ADNP: variants seen among roughly 807,000 people sequenced by gnomAD.
ADNP encodes activity-dependent neuroprotector homeobox protein.
In ADNP, 4 loss-of-function variants were observed where a neutral mutation model predicts 84.9. The observed-to-expected ratio is 0.05, with a 90% CI of 0.02 to 0.11. The LOEUF (loss-of-function observed/expected upper bound fraction) is 0.11. ADNP is among the 10% of genes least tolerant of loss of function. ADNP has a pLI of 1.00. For missense variants in ADNP, 1,132 were observed against 1,326.0 expected (o/e 0.85, Z 2.27); for synonymous variants, 554 against 468.1 (o/e 1.18, Z -2.37).
At chr20:50,915,947 C>T (rs1983477375) in intron 2 of ADNP, among the ~76,000 whole-genome samples, 1 of 152,128 alleles carries the variant, frequency 6.6e-6, no homozygotes. Context: ...GATAAGCAGG[C>T]AGGAAATGTA....
intron 5 of ADNP, among the ~76,000 whole-genome samples, chr20:50,897,146 G>A (rs767592315): frequency 9.9e-5 from 15 of 151,866 alleles, no homozygotes; most frequent in East Asian, 3.9e-4. Flanking sequence ...TCACCATGTC[G>A]GCCAGGCTGG....
At chr20:50,910,714 G>A (rs576589569) in intron 2 of ADNP, among the ~76,000 whole-genome samples, 17 of 152,252 alleles carry the variant, frequency 1.1e-4, no homozygotes, top group African/African-American at 4.1e-4. Flanking sequence ...GAGTGCAGTG[G>A]TATGATCACA....
At chr20:50,930,406 G>C (rs1372848859) in intron 1 of ADNP, among the ~76,000 whole-genome samples, 2 of 151,990 alleles carry the variant, frequency 1.3e-5, no homozygotes, top group African/African-American at 4.8e-5. Flanking sequence ...CTGGCAGAAG[G>C]CTGGTTCAAG....
At chr20:50,907,970 CG>C (rs1159646703) in intron 2 of ADNP, among the ~76,000 whole-genome samples, 3 of 152,116 alleles carry the variant, frequency 2.0e-5, no homozygotes, top group Non-Finnish European at 4.4e-5. Flanking sequence ...TCTTCATATG[CG>C]TATTTCTGAC....
chr20:50,904,131 G>A (rs892201322), intron 3 of ADNP, 130 bp from the exon 4 acceptor site: 2 of 661,000 alleles, frequency 3.0e-6, no homozygotes, highest in African/African-American at 3.6e-5. Context: ...CTCATCTAGT[G>A]TGTACACACA....
At chr20:50,923,547 T>G (rs1984095334) in intron 2 of ADNP, among the ~76,000 whole-genome samples, 1 of 152,188 alleles carries the variant, frequency 6.6e-6, no homozygotes, top group Non-Finnish European at 1.5e-5. Flanking sequence ...AGACTGAGTC[T>G]CACTCTGTCA....
chr20:50,911,563 T>C (rs969626685), intron 2 of ADNP, among the ~76,000 whole-genome samples: 3 of 151,272 alleles, frequency 2.0e-5, no homozygotes, highest in Non-Finnish European at 2.9e-5. Context: ...TGGAGTGCAA[T>C]GGCATCACCC....
rs1428669779 is a variant in ADNP, at chr20:50,890,221, T to C, written c.*1184A>G. On this transcript the variant is annotated 3_prime_UTR_variant, in exon 6 of 6. Transcript: ENST00000621696. ...AAGCATTCTATTTGCAGATGACAGA[T>C]CTTGGGTTTTCCACAAGTTTCCTCT... 4.6e-6 allele frequency: 1 copy of C among 215,762 alleles called. No homozygotes were observed. Among genetic ancestry groups the C allele is most frequent in the Admixed American group, 5.9e-5 (1 of 17,044 alleles). 13.4% of individuals were successfully genotyped at this position (215,762 alleles called of 1,614,324 possible). A position where few individuals can be genotyped will look rare whatever the true frequency, so the allele number is the denominator to read the frequency against.
chr20:50,893,552 C>A lies in ADNP; in HGVS notation c.1162G>T (p.Ala388Ser). ...YGLGSEQRSQAPARYSLQSAN... is the reference protein window; with the variant it reads ...YGLGSEQRSQSPARYSLQSAN... Reference sequence around the variant, plus strand: ...GACTGCAGGGAGTATCTTGCTGGTGCCTGGGACCTCTGCTCTGACCCAAGC... The same window carrying A: ...GACTGCAGGGAGTATCTTGCTGGTGACTGGGACCTCTGCTCTGACCCAAGC... Residue 388 changes from alanine to serine, a missense_variant, in exon 6 of 6, where the codon GCA becomes TCA. By Grantham distance (99) the Ala-to-Ser change is moderately conservative. Transcript: ENST00000621696. This position sits in a 1 kb window ranked among gnomAD's most constrained non-coding sequence, Gnocchi z 4.4. 6.2e-7 allele frequency: 1 copy of A among 1,613,912 alleles called. No individual in the cohort carries two copies. Among genetic ancestry groups the A allele is most frequent in the South Asian group, 1.1e-5 (1 of 91,072 alleles).
intron 2 of ADNP, among the ~76,000 whole-genome samples, chr20:50,921,480 G>A (rs1193944033): frequency 6.6e-6 from 1 of 152,216 alleles, no homozygotes; most frequent in Non-Finnish European, 1.5e-5. Context: ...CGTATCTTAA[G>A]TTTTAAAAAA....
intron 4 of ADNP, among the ~76,000 whole-genome samples, chr20:50,902,976 T>A (rs1017920887): frequency 6.6e-6 from 1 of 152,262 alleles, no homozygotes; most frequent in African/African-American, 2.4e-5. Flanking sequence ...TTCCATGCCA[T>A]ACTCTTCAAG....
chr20:50,930,786 G>A (rs1350390912), intron 1 of ADNP, 40 bp downstream of exon 1: 1 of 149,960 alleles, frequency 6.7e-6, no homozygotes, highest in African/African-American at 2.4e-5. Context: ...AGCCAGGCAG[G>A]GCAGGGCCGC....
At chr20:50,929,157 A>G (rs1467248560) in intron 1 of ADNP, among the ~76,000 whole-genome samples, 1 of 152,216 alleles carries the variant, frequency 6.6e-6, no homozygotes, top group African/African-American at 2.4e-5. Context: ...GGAGTTAACC[A>G]GCTATGCCCC....
chr20:50,920,473 G>A (rs1383892632), intron 2 of ADNP, among the ~76,000 whole-genome samples: 3 of 150,448 alleles, frequency 2.0e-5, no homozygotes, highest in Non-Finnish European at 4.4e-5. Flanking sequence ...CCAGCTACTC[G>A]GGAGGCTGAG....
intron 2 of ADNP, among the ~76,000 whole-genome samples, chr20:50,925,323 T>G (rs66855394): frequency 1.1e-4 from 16 of 150,928 alleles, no homozygotes; most frequent in African/African-American, 3.7e-4. Context: ...ATATACCAAC[T>G]TGAGAAGCAT....
intron 2 of ADNP, among the ~76,000 whole-genome samples, chr20:50,910,117 A>C (rs776503529): frequency 4.6e-5 from 7 of 152,238 alleles, no homozygotes; most frequent in Non-Finnish European, 1.0e-4. Flanking sequence ...TAGGGTATTT[A>C]TGCAAAATAA....
At chr20:50,915,734 T>C (rs1600981427) in intron 2 of ADNP, among the ~76,000 whole-genome samples, 1 of 152,214 alleles carries the variant, frequency 6.6e-6, no homozygotes, top group Non-Finnish European at 1.5e-5. Context: ...AAATAAAGTT[T>C]AGTATCCTCT....
intron 5 of ADNP, among the ~76,000 whole-genome samples, chr20:50,896,896 CTAT>C (rs140079397): frequency 0.013 from 1,931 of 152,266 alleles, 38 homozygotes; most frequent in African/African-American, 0.044. Flanking sequence ...ATATTCTTCT[CTAT>C]TAATAAAAAC....
chr20:50,897,010 C>T (rs1392945151), intron 5 of ADNP, among the ~76,000 whole-genome samples: 7 of 152,230 alleles, frequency 4.6e-5, no homozygotes, highest in African/African-American at 1.2e-4. Flanking sequence ...GGCACAATCT[C>T]GGCTCACTGC....
Sources: allele counts gnomAD v4.1 joint callset (sites outside exome capture counted in the v4.1 genomes callset), GRCh38; gene constraint gnomAD v4.1.1; non-coding constraint Gnocchi (gnomAD v3.1); transcripts MANE v1.5; gene names NCBI Gene and HGNC (gene_info 2026-07-23, HGNC 2026-07-21).